The following FLG variants were observed in gnomAD, a reference collection of about 807,000 sequenced individuals.
FLG encodes epidermal filaggrin.
A neutral mutation model predicts 3.8 loss-of-function variants in FLG; 6 were observed. That is an observed-to-expected ratio of 1.60 (90% confidence interval 0.87 to 3.15). The LOEUF is 3.15. Ranked by LOEUF, FLG falls within the 30% of genes most tolerant of loss-of-function variation. The pLI is 0.00. For missense variants in FLG, 7,595 were observed against 5,050.9 expected (o/e 1.50, Z -15.27); for synonymous variants, 2,551 against 1,931.6 (o/e 1.32, Z -8.41).
In FLG at chr1:152,305,973, T is replaced by A. The variant is rs1651934627; in HGVS notation, c.8913A>T (p.Arg2971Ser). The change falls in exon 3 of 3, where the codon AGA becomes AGT. Residue 2971 changes from arginine (R) to serine (S), a missense_variant. Transcript: ENST00000368799. Reference sequence around the variant, plus strand: ...ATCCATGTCTTTCTCCTGCACTTGATCTTGCCTGTTCATGGGATGATGCAG... The same window carrying A: ...ATCCATGTCTTTCTCCTGCACTTGAACTTGCCTGTTCATGGGATGATGCAG... ...GQAASSHEQA[R>S]SSAGERHGSH... 1 of 1,557,598 alleles carries A rather than the reference T, an allele frequency of 6.4e-7. No homozygotes were observed. The highest frequency in any genetic ancestry group is 8.7e-7 in the Non-Finnish European group (1 of 1,153,742).
chr1:152,306,849 G>A lies in FLG; in HGVS notation c.8037C>T (p.Val2679=). Residue 2679 remains valine, a synonymous_variant, in exon 3 of 3, where the codon GTC becomes GTT. Coordinates refer to ENST00000368799, the MANE Select transcript of FLG (RefSeq NM_002016.2). Reference sequence around the variant, plus strand: ...TGTACCCTCGGTGTCCACTGTCTCTGACTGCAGATGAAGCTTGTCCGTGCC... The same window carrying A: ...TGTACCCTCGGTGTCCACTGTCTCTAACTGCAGATGAAGCTTGTCCGTGCC... ...GIGHGQASSA[V]RDSGHRGYSG... is the part of the protein sequence containing the mutation. 1 of 1,260,960 alleles carries A rather than the reference G, an allele frequency of 7.9e-7. No homozygotes were observed. The highest frequency in any genetic ancestry group is 1.1e-6 in the Non-Finnish European group (1 of 905,260). The allele number at this position is 1,260,960 out of a possible 1,614,324, so 78.1% of individuals were successfully genotyped here.
rs2101635230 is a variant in FLG, at chr1:152,303,558, T to C, written c.11328A>G (p.Gln3776=). 6.2e-7 allele frequency: 1 copy of C among 1,613,934 alleles called. No individual in the cohort carries two copies. The highest frequency in any genetic ancestry group is 8.5e-7 in the Non-Finnish European group (1 of 1,180,004). Reference sequence around the variant, plus strand: ...CTGAGTGTCCAGACCTATCTACCGATTGCTCGTGGTAGGATCCCTGTCTTC... The same window carrying C: ...CTGAGTGTCCAGACCTATCTACCGACTGCTCGTGGTAGGATCCCTGTCTTC... ...RGGRQGSYHE[Q]SVDRSGHSGS... The change falls in exon 3 of 3, where the codon CAA becomes CAG. Residue 3776 remains glutamine, a synonymous_variant. Transcript: ENST00000368799.
Position 152,310,647 on chromosome 1 carries a change from G to A in FLG, c.4239C>T (p.His1413=), listed in dbSNP as rs147032729. 103 of 1,613,804 alleles carry A rather than the reference G, an allele frequency of 6.4e-5. No individual in the cohort carries two copies. The highest frequency in any genetic ancestry group is 5.1e-4 in the African/African-American group (38 of 74,814). Residue 1413 remains histidine, a synonymous_variant, in exon 3 of 3, where the codon CAC becomes CAT. Coordinates refer to ENST00000368799, the MANE Select transcript of FLG (RefSeq NM_002016.2). ...TCTGCTGATGGGGCCCAGCTTGTCC[G>A]TGGGCTGACACTGACTGTGTGTCTG... is the stretch of plus-strand genomic sequence containing the variant. ...EDSDTQSVSA[H]GQAGPHQQSH... is the part of the protein sequence containing the mutation.
chr1:152,315,429 C>A lies in FLG; in HGVS notation c.28G>T (p.Ala10Ser). 1 of 1,611,864 alleles carries A rather than the reference C, an allele frequency of 6.2e-7. No homozygotes were observed. Among genetic ancestry groups the A allele is most frequent in the Non-Finnish European group, 8.5e-7 (1 of 1,178,918 alleles). The change falls in exon 2 of 3, where the codon GCC becomes TCC. Residue 10 changes from alanine to serine, a missense_variant. Ala to Ser is a moderately conservative substitution (Grantham distance 99). Coordinates refer to ENST00000368799, the MANE Select transcript of FLG (RefSeq NM_002016.2). Reference protein sequence around the residue: MSTLLENIFAIINLFKQYSK... With the variant: MSTLLENIFSIINLFKQYSK... ...TATTGCTTGAAAAGATTAATTATGG[C>A]AAAGATGTTTTCCAGGAGAGTAGAC... is the stretch of plus-strand genomic sequence containing the variant.
chr1:152,314,720 C>G lies in FLG; in HGVS notation c.166G>C (p.Val56Leu). ...TCTATATCCAAGTGATCCATGAAGA[C>G]ATCAACCATATCTGGGTCATCTGGA... ...KNPDDPDMVD[V>L]FMDHLDIDHN... Residue 56 changes from valine to leucine, a missense_variant, in exon 3 of 3, where the codon GTC (valine) becomes CTC (leucine). By Grantham distance (32) the Val-to-Leu change is conservative. Coordinates refer to ENST00000368799, the MANE Select transcript of FLG (RefSeq NM_002016.2). The G allele has an allele frequency of 6.2e-7, 1 of 1,613,834 alleles. No homozygotes were observed. The highest frequency in any genetic ancestry group is 8.5e-7 in the Non-Finnish European group (1 of 1,179,748).
Position 152,308,345 on chromosome 1 carries a change from G to T in FLG, c.6541C>A (p.Arg2181Ser), listed in dbSNP as rs779595360. 1 of 1,613,560 alleles carries T rather than the reference G, an allele frequency of 6.2e-7. No individual in the cohort carries two copies. Residue 2181 changes from arginine to serine, a missense_variant, in exon 3 of 3, where the codon CGT becomes AGT. Coordinates refer to ENST00000368799, the MANE Select transcript of FLG (RefSeq NM_002016.2). ...TTSQGRSDASRGQSGSRSASR... is the reference protein window; with the variant it reads ...TTSQGRSDASSGQSGSRSASR... ...GCACTTCTGGATCCTGACTGCCCAC[G>T]GGAGGCATCAGACCTTCCCTGGGAT...
In FLG at chr1:152,313,949, G is replaced by T. The variant is rs763135422; in HGVS notation, c.937C>A (p.His313Asn). 1.9e-6 allele frequency: 3 copies of T among 1,613,910 alleles called. No homozygotes were observed. In the East Asian group the frequency reaches 6.7e-5, roughly 36 times the overall value. ...SEGHSEDSER[H>N]SGSASRNHHG... The stretch of plus-strand genomic sequence containing the variant: ...TGGTTTCTGGAAGCCGACCCAGAGT[G>T]CCTCTCAGAGTCTTCTGAGTGTCCC... Residue 313 changes from histidine to asparagine, a missense_variant, in exon 3 of 3, where the codon CAC (histidine) becomes AAC (asparagine). By Grantham distance (68) the His-to-Asn change is moderately conservative. Coordinates refer to ENST00000368799, the MANE Select transcript of FLG (RefSeq NM_002016.2).
rs749466775 is a variant in FLG at position 152,308,064 on chromosome 1, C to G, written c.6822G>C (p.Gln2274His). ...TGGGGTGTCTGGAGCCATCTCTTGA[C>G]TGCTCCTGAGCAGATCCATGATGGT... is the stretch of plus-strand genomic sequence containing the variant. ...SRNHHGSAQE[Q>H]SRDGSRHPRS... The change falls in exon 3 of 3, where the codon CAG becomes CAC. Residue 2274 changes from glutamine (Q) to histidine (H), a missense_variant. By Grantham distance (24) the Gln-to-His change is conservative. Transcript: ENST00000368799. 7 of 1,614,152 alleles carry G rather than the reference C, an allele frequency of 4.3e-6. No homozygotes were observed. In the East Asian group the frequency reaches 8.9e-5, roughly 21 times the overall value.
In FLG at chr1:152,305,869, C is replaced by T; in HGVS notation, c.9017G>A (p.Ser3006Asn). 8.5e-7 allele frequency: 1 copy of T among 1,170,376 alleles called. No individual in the cohort carries two copies. The highest frequency in any genetic ancestry group is 1.2e-6 in the Non-Finnish European group (1 of 851,442). The allele number at this position is 1,170,376 out of a possible 1,614,324, so 72.5% of individuals were successfully genotyped here. A position where few individuals can be genotyped will look rare whatever the true frequency, so the allele number is the denominator to read the frequency against. ...ACTACCACTGTACCCTCGGTGTCCACTGTCTCTGACTGCAGATGAAGCTTG... is the reference window on the plus strand; with the variant it reads ...ACTACCACTGTACCCTCGGTGTCCATTGTCTCTGACTGCAGATGAAGCTTG... ...HGQASSAVRD[S>N]GHRGYSGSQA... Residue 3006 changes from serine to asparagine, a missense_variant, in exon 3 of 3, where the codon AGT becomes AAT. By Grantham distance (46) the Ser-to-Asn change is conservative. Transcript: ENST00000368799.
chr1:152,314,532 G>A lies in FLG; in HGVS notation c.354C>T (p.Asn118=). 8 of 1,611,226 alleles carry A rather than the reference G, an allele frequency of 5.0e-6. No homozygotes were observed. Among genetic ancestry groups the A allele is most frequent in the Non-Finnish European group, 6.8e-6 (8 of 1,179,262 alleles). Residue 118 remains asparagine, a synonymous_variant, in exon 3 of 3, where the codon AAC becomes AAT. Transcript: ENST00000368799. ...TTGAGGGTCTTTTTCTGTTTTCTTT[G>A]TTTTCTTCCTGTTTATTATCTTCAT... is the stretch of plus-strand genomic sequence containing the variant. ...DKHEDNKQEE[N]KENRKRPSSL... is the part of the protein sequence containing the mutation.
In FLG at chr1:152,308,775, T is replaced by A. The variant is rs1421430221; in HGVS notation, c.6111A>T (p.Arg2037=). 1 of 1,614,124 alleles carries A rather than the reference T, an allele frequency of 6.2e-7. No homozygotes were observed. The highest frequency in any genetic ancestry group is 2.2e-5 in the East Asian group (1 of 44,878). Residue 2037 remains arginine (R), a synonymous_variant, in exon 3 of 3, where the codon CGA becomes CGT. Transcript: ENST00000368799. ...CACTGGCCTGACTACCACTGTACCC[T>A]CGGTGTCCACTGTCTCTGACTGCAG... The part of the protein sequence containing the change: ...ASSAVRDSGH[R]GYSGSQASDS...
In FLG at chr1:152,309,371, A is replaced by G. The variant is rs749467652; in HGVS notation, c.5515T>C (p.Ser1839Pro). Residue 1839 changes from serine to proline, a missense_variant, in exon 3 of 3, where the codon TCA becomes CCA. Coordinates refer to ENST00000368799, the MANE Select transcript of FLG (RefSeq NM_002016.2). ...GTGGTGTGGCTGTGATGAGACCCTG[A>G]GTGTCCAGAACTATCTACCGATTGC... ...YEQSVDSSGH[S>P]GSHHSHTTSQ... 1.9e-6 allele frequency: 3 copies of G among 1,613,612 alleles called. No homozygotes were observed. The highest frequency in any genetic ancestry group is 1.3e-5 in the African/African-American group (1 of 74,748).
chr1:152,309,981 G>C lies in FLG; in HGVS notation c.4905C>G (p.Ser1635=). ...CATGACTGGCTCTATCTTCTTGATG[G>C]GACCTGGGGTTCCTGGAGCCATGTC... The part of the protein sequence containing the change: ...QSRHGSRNPR[S]HQEDRASHGH... Residue 1635 remains serine (S), a synonymous_variant, in exon 3 of 3, where the codon TCC becomes TCG. Transcript: ENST00000368799. 6.2e-7 allele frequency: 1 copy of C among 1,613,988 alleles called. No homozygotes were observed.
rs1379882395 is a variant in FLG, at chr1:152,305,588, G to C, written c.9298C>G (p.His3100Asp). 6.7e-7 allele frequency: 1 copy of C among 1,503,224 alleles called. No individual in the cohort carries two copies. The highest frequency in any genetic ancestry group is 1.3e-5 in the South Asian group (1 of 79,922). The allele number at this position is 1,503,224 out of a possible 1,614,324, so 93.1% of individuals were successfully genotyped here. The stretch of plus-strand genomic sequence containing the variant: ...TCCTGACCGTATTGGGATGCTGAGT[G>C]CCTGGAGCTGTCTTGTGCCTGCTCA... The part of the protein sequence containing the change: ...RHEQAQDSSR[H>D]SASQYGQDTI... The change falls in exon 3 of 3, where the codon CAC becomes GAC. Residue 3100 changes from histidine to aspartate, a missense_variant. Physicochemically the swap from His to Asp is moderately conservative, Grantham distance 81 (BLOSUM62 -1). Transcript: ENST00000368799.
In FLG at chr1:152,314,321, C is replaced by A; in HGVS notation, c.565G>T (p.Glu189Ter). 1 of 1,613,248 alleles carries A rather than the reference C, an allele frequency of 6.2e-7. No homozygotes were observed. Among genetic ancestry groups the A allele is most frequent in the Non-Finnish European group, 8.5e-7 (1 of 1,179,844 alleles). Residue 189 changes from glutamate to a stop codon, truncating the protein, a stop_gained, in exon 3 of 3, where the codon GAA becomes TAA. Transcript: ENST00000368799. LOFTEE classifies it low-confidence loss of function (END_TRUNC). Reference sequence around the variant, plus strand: ...CTATTGTCTCCTAATCTAGTATTTTCAGTCTTGTTTTTCTCTTTTTTACTT... The same window carrying A: ...CTATTGTCTCCTAATCTAGTATTTTAAGTCTTGTTTTTCTCTTTTTTACTT... ...NSSKKEKNKTENTRLGDNRKR... is the reference protein window; with the variant it reads ...NSSKKEKNKT
rs555710209 is a variant in FLG, at chr1:152,303,796, C to G, written c.11090G>C (p.Arg3697Pro). The stretch of plus-strand genomic sequence containing the variant: ...TCCAGACCTTCCTGCTGACCGGCCA[C>G]GTGTGGACTCTTGGTGGCTCTGCTG... ...PHQQSHQEST[R>P]GRSAGRSGRS... Residue 3697 changes from arginine to proline, a missense_variant, in exon 3 of 3, where the codon CGT becomes CCT. Arg to Pro is a moderately radical substitution (Grantham distance 103). Transcript: ENST00000368799. 5 of 1,613,578 alleles carry G rather than the reference C, an allele frequency of 3.1e-6. No homozygotes were observed. The East Asian group carries it at 8.9e-5, about 29-fold the overall frequency.
chr1:152,304,422 T>C lies in FLG; in HGVS notation c.10464A>G (p.Gln3488=). ...GQSGSRSASR[Q]TRNDEQSGDG... ...CTCCTGATTGTTCGTCATTACGAGT[T>C]TGTCTGCTGGCACTTCTGGATCCTG... Residue 3488 remains glutamine, a synonymous_variant, in exon 3 of 3, where the codon CAA becomes CAG. Transcript: ENST00000368799. 5 of 1,611,994 alleles carry C rather than the reference T, an allele frequency of 3.1e-6. No individual in the cohort carries two copies. Among genetic ancestry groups the C allele is most frequent in the Non-Finnish European group, 4.2e-6 (5 of 1,179,146 alleles).
chr1:152,312,357 T>A lies in FLG; in HGVS notation c.2529A>T (p.Gly843=), dbSNP rs1398253971. The A allele has an allele frequency of 1.2e-6, 2 of 1,611,746 alleles. No individual in the cohort carries two copies. ...TTCCTCTTCTGCTTGACCCCGGGTGTCCACGAATGGTGTCCTGACCATCTT... is the reference window on the plus strand; with the variant it reads ...TTCCTCTTCTGCTTGACCCCGGGTGACCACGAATGGTGTCCTGACCATCTT... ...ASQDGQDTIR[G]HPGSSRRGRQ... is the part of the protein sequence containing the mutation. The change falls in exon 3 of 3, where the codon GGA becomes GGT. Residue 843 remains glycine, a synonymous_variant. Transcript: ENST00000368799.
chr1:152,316,919 A>G (rs565769416), intron 1 of FLG, among the ~76,000 whole-genome samples: 6 of 152,160 alleles, frequency 3.9e-5, no homozygotes, highest in Admixed American at 3.9e-4. Context: ...TCTTTCCTTT[A>G]TCTCTGATGT....
Sources: allele counts gnomAD v4.1 joint callset (sites outside exome capture counted in the v4.1 genomes callset), GRCh38; gene constraint gnomAD v4.1.1; transcripts MANE v1.5; gene names NCBI Gene and HGNC (gene_info 2026-07-23, HGNC 2026-07-21).